The following DLGAP2 variants were observed in gnomAD, a reference collection of about 807,000 sequenced individuals.
DLGAP2 encodes the protein disks large-associated protein 2.
DLGAP2 carries 26 observed loss-of-function variants against 100.3 expected under a neutral mutation model. That is an observed-to-expected ratio of 0.26 (90% CI 0.19 to 0.36). DLGAP2 has a LOEUF of 0.36. Among genes scored for constraint, DLGAP2 ranks in the 10% least tolerant of loss-of-function variants. The probability of loss-of-function intolerance (pLI) is 1.00; values close to 1 mark genes in which losing one functional copy is unlikely to be tolerated. For missense variants in DLGAP2, 1,858 were observed against 1,453.2 expected (o/e 1.28, Z -4.53); for synonymous variants, 886 against 630.1 (o/e 1.41, Z -6.08).
chr8:1,679,778 T>G (rs189237648), intron 12 of DLGAP2, among the ~76,000 whole-genome samples: 4 of 152,198 alleles, frequency 2.6e-5, no homozygotes, highest in Admixed American at 2.6e-4. Context: ...GGTCAGGAGT[T>G]ACAGATCAGC....
chr8:1,056,106 A>G (rs78660718), intron 2 of DLGAP2, among the ~76,000 whole-genome samples: 191 of 152,350 alleles, frequency 1.3e-3, no homozygotes, highest in Non-Finnish European at 1.7e-3. Flanking sequence ...TGACTTCCTC[A>G]GGCAATTCAG....
At chr8:1,361,066 C>T (rs1801972371) in intron 3 of DLGAP2, among the ~76,000 whole-genome samples, 2 of 152,212 alleles carry the variant, frequency 1.3e-5, no homozygotes, top group Non-Finnish European at 2.9e-5. Flanking sequence ...TTTGTGTGGG[C>T]AGTGGCCGGG....
At chr8:1,434,412 C>G (rs1412102278) in intron 3 of DLGAP2, among the ~76,000 whole-genome samples, 1 of 152,082 alleles carries the variant, frequency 6.6e-6, no homozygotes, top group Non-Finnish European at 1.5e-5. Context: ...AGAGAGAGCC[C>G]TTAGCATCCT....
At chr8:881,969 C>A (rs1239738526) in intron 1 of DLGAP2, among the ~76,000 whole-genome samples, 1 of 152,162 alleles carries the variant, frequency 6.6e-6, no homozygotes, top group Non-Finnish European at 1.5e-5. Context: ...GCCATGCAAA[C>A]TCATAGCCTC....
At chr8:1,074,117 C>A (rs370954222) in intron 2 of DLGAP2, among the ~76,000 whole-genome samples, 306 of 90,604 alleles carry the variant, frequency 3.4e-3, no homozygotes, top group Middle Eastern at 6.5e-3. Flanking sequence ...GATTCACTGT[C>A]ACAGAAGGGT....
rs989105252 is a variant in DLGAP2, at chr8:1,041,562, C to T, written c.73+133596C>T. On this transcript the variant is annotated intron_variant, in intron 2 of 14. Transcript: ENST00000637795. The stretch of plus-strand genomic sequence containing the variant: ...GGTGAGTGTTCTCCGAACCCCTTGC[C>T]GTGGGTGAGTGTTCTCCGAACCCCT... Among the ~76,000 whole-genome samples, 9 of 151,018 alleles carry T rather than the reference C, an allele frequency of 6.0e-5. No homozygotes were observed. The South Asian group carries it at 8.5e-4, about 14-fold the overall frequency.
intron 3 of DLGAP2, among the ~76,000 whole-genome samples, chr8:1,294,046 G>A (rs78305826): frequency 0.048 from 7,243 of 152,198 alleles, 216 homozygotes; most frequent in South Asian, 0.12. Context: ...GCTCCCTGCC[G>A]GGCAGAGGGG....
At chr8:928,127 C>T (rs985309402) in intron 2 of DLGAP2, among the ~76,000 whole-genome samples, 2 of 152,194 alleles carry the variant, frequency 1.3e-5, no homozygotes, top group Admixed American at 6.5e-5. Flanking sequence ...CCTGAAGCCA[C>T]CTCCTAGGAG....
chr8:816,015 A>G (rs1796469708), intron 1 of DLGAP2, among the ~76,000 whole-genome samples: 1 of 152,186 alleles, frequency 6.6e-6, no homozygotes, highest in Non-Finnish European at 1.5e-5. Flanking sequence ...TTTATCTGAT[A>G]TAAGAGTAGT....
intron 2 of DLGAP2, among the ~76,000 whole-genome samples, chr8:1,164,614 G>C (rs1796978455): frequency 6.6e-6 from 1 of 152,142 alleles, no homozygotes; most frequent in South Asian, 2.1e-4. Context: ...CAAGTCAGAG[G>C]GAAGAGCCAT....
rs552224996 is a variant in DLGAP2 at position 1,431,813 on chromosome 8, C to T, written c.107-69553C>T. On this transcript the variant is annotated intron_variant, in intron 3 of 14. Coordinates refer to ENST00000637795, the MANE Select transcript of DLGAP2 (RefSeq NM_001346810.2). ...GACACTGATGCGTGCATGACAGGGA[C>T]TCTTCTGATGCCTCCGTGTCGATGG... Among the ~76,000 whole-genome samples, 36 of 152,324 alleles carry T rather than the reference C, an allele frequency of 2.4e-4. No individual in the cohort carries two copies. The South Asian group carries it at 3.3e-3, about 14-fold the overall frequency.
chr8:1,650,580 C>A (rs147611986), intron 8 of DLGAP2, among the ~76,000 whole-genome samples: 2 of 152,234 alleles, frequency 1.3e-5, no homozygotes, highest in African/African-American at 4.8e-5. Flanking sequence ...TTGTCCTCTT[C>A]GGCTATTCCA....
intron 3 of DLGAP2, among the ~76,000 whole-genome samples, chr8:1,288,430 AGTGT>A (rs1239357278): frequency 9.5e-6 from 1 of 105,642 alleles, no homozygotes; most frequent in South Asian, 3.2e-4. Context: ...GTTTTGGTTC[AGTGT>A]GTGTGTGTGT....
Position 1,275,300 on chromosome 8 carries a change from G to A in DLGAP2, c.106+16417G>A. 1.3e-5 allele frequency among the ~76,000 whole-genome samples: 2 copies of A among 151,552 alleles called. 1 individual carries two copies. Among genetic ancestry groups the A allele is most frequent in the Non-Finnish European group, 2.9e-5 (2 of 67,960 alleles). Reference sequence around the variant, plus strand: ...CTCAGTGAGGCATCGTAGCTTACTAGATGCCCACAGAGCAGATAGAACCAG... The same window carrying A: ...CTCAGTGAGGCATCGTAGCTTACTAAATGCCCACAGAGCAGATAGAACCAG... On this transcript the variant is annotated intron_variant, in intron 3 of 14. Transcript: ENST00000637795.
intron 2 of DLGAP2, among the ~76,000 whole-genome samples, chr8:928,654 C>T (rs1201253012): frequency 6.6e-6 from 1 of 152,106 alleles, no homozygotes; most frequent in Non-Finnish European, 1.5e-5. Flanking sequence ...CTTGGTGATA[C>T]TGGACAGGTC....
At chr8:957,009 A>G (rs1176842031) in intron 2 of DLGAP2, among the ~76,000 whole-genome samples, 1 of 152,226 alleles carries the variant, frequency 6.6e-6, no homozygotes, top group Non-Finnish European at 1.5e-5. Flanking sequence ...TCAGGGTCTA[A>G]GAAATGTCAC....
chr8:1,505,765 A>G (rs11778311), intron 4 of DLGAP2, among the ~76,000 whole-genome samples: 27,695 of 152,114 alleles, frequency 0.18, 2,741 homozygotes, highest in African/African-American at 0.23. Context: ...TGCTCTCTTA[A>G]TAACTTTTGT....
intron 3 of DLGAP2, among the ~76,000 whole-genome samples, chr8:1,449,834 T>A (rs13250345): frequency 0.11 from 8,044 of 75,342 alleles, 466 homozygotes; most frequent in African/African-American, 0.18. Context: ...TCGGTGGCTG[T>A]GACTGTAGCG....
chr8:1,155,595 C>A (rs564399679), intron 2 of DLGAP2, among the ~76,000 whole-genome samples: 1 of 152,244 alleles, frequency 6.6e-6, no homozygotes, highest in African/African-American at 2.4e-5. Flanking sequence ...AGGGTAGCCC[C>A]AGCTCTCACC....
Sources: allele counts gnomAD v4.1 joint callset (sites outside exome capture counted in the v4.1 genomes callset), GRCh38; gene constraint gnomAD v4.1.1; transcripts MANE v1.5; gene names NCBI Gene and HGNC (gene_info 2026-07-23, HGNC 2026-07-21).